CDH18: variants seen among roughly 807,000 people sequenced by gnomAD.
CDH18 encodes cadherin-18.
Under a neutral mutation model 67.9 loss-of-function variants are expected in CDH18, and 31 were observed. That is an observed-to-expected ratio of 0.46 (90% CI 0.34 to 0.62). The LOEUF is 0.62. Ranked by LOEUF, CDH18 falls within the 20% of genes least tolerant of loss-of-function variation. CDH18 has a pLI of 0.01. For missense variants in CDH18, 890 were observed against 975.5 expected, an observed-to-expected ratio of 0.91 and a Z score of 1.17; for synonymous variants, 362 against 347.2, an observed-to-expected ratio of 1.04 and a Z score of -0.48.
intron 1 of CDH18, among the ~76,000 whole-genome samples, chr5:20,322,292 A>C (rs1315567575): frequency 6.6e-6 from 1 of 152,166 alleles, no homozygotes; most frequent in Non-Finnish European, 1.5e-5. Flanking sequence ...GATATTAATT[A>C]TTATTATAAC....
chr5:20,507,496 A>G (rs1754729845), intron 1 of CDH18, among the ~76,000 whole-genome samples: 1 of 152,210 alleles, frequency 6.6e-6, no homozygotes, highest in Admixed American at 6.6e-5. Context: ...TTATGGATAT[A>G]GATTTTCATG....
At position 19,973,004 on chromosome 5, in the gene CDH18, T is replaced by G. The variant is rs370404880; in HGVS notation, c.-257+8056A>C. ...ATAATATTAATTAATAATATTACAG[T>G]TAATCGTTAATAAAAGAAATGGCAC... is the stretch of plus-strand genomic sequence containing the variant. On this transcript the variant is annotated intron_variant, in intron 2 of 12. Transcript: ENST00000382275. 2.6e-4 allele frequency among the ~76,000 whole-genome samples: 39 copies of G among 152,024 alleles called. No individual in the cohort carries two copies. The East Asian group carries it at 7.3e-3, about 29-fold the overall frequency.
At chr5:20,003,482 C>T (rs996642613) in intron 2 of CDH18, among the ~76,000 whole-genome samples, 1 of 152,012 alleles carries the variant, frequency 6.6e-6, no homozygotes, top group Non-Finnish European at 1.5e-5. Flanking sequence ...TACTATATTT[C>T]CCATCTTTTT....
intron 5 of CDH18, among the ~76,000 whole-genome samples, chr5:19,711,760 G>A (rs1236084057): frequency 1.3e-5 from 2 of 151,194 alleles, no homozygotes; most frequent in African/African-American, 4.9e-5. Context: ...ACAGCATGGA[G>A]AATTCTCAAA....
intron 5 of CDH18, among the ~76,000 whole-genome samples, chr5:19,700,880 T>C (rs76022419): frequency 0.039 from 5,964 of 151,422 alleles, 385 homozygotes; most frequent in African/African-American, 0.14. Flanking sequence ...AGAAAAAAAT[T>C]AGGAAATAGA....
intron 11 of CDH18, among the ~76,000 whole-genome samples, chr5:19,496,084 C>T (rs1405624069): frequency 6.6e-6 from 1 of 151,936 alleles, no homozygotes; most frequent in Non-Finnish European, 1.5e-5. Flanking sequence ...GCTGAAAAGC[C>T]CTGGAAGACA....
At chr5:19,728,989 C>A (rs1421154414) in intron 4 of CDH18, among the ~76,000 whole-genome samples, 3 of 152,082 alleles carry the variant, frequency 2.0e-5, no homozygotes, top group Admixed American at 1.3e-4. Context: ...TGAGTATTAA[C>A]TCAAGTCACT....
At chr5:20,416,204 A>G (rs1247711039) in intron 1 of CDH18, among the ~76,000 whole-genome samples, 1 of 152,156 alleles carries the variant, frequency 6.6e-6, no homozygotes, top group African/African-American at 2.4e-5. Flanking sequence ...AGGAAAAATG[A>G]ACTTAATCTT....
chr5:19,549,660 A>G (rs1736997531), intron 8 of CDH18, among the ~76,000 whole-genome samples: 1 of 141,202 alleles, frequency 7.1e-6, no homozygotes, highest in Non-Finnish European at 1.6e-5. Flanking sequence ...AGAGGGAAGG[A>G]AGGGAGGGAG....
chr5:20,081,391 G>C (rs1744457499), intron 2 of CDH18, among the ~76,000 whole-genome samples: 1 of 152,178 alleles, frequency 6.6e-6, no homozygotes, highest in Non-Finnish European at 1.5e-5. Flanking sequence ...AGCCATGTTA[G>C]AGAGAGGTTT....
intron 5 of CDH18, among the ~76,000 whole-genome samples, chr5:19,696,485 G>A (rs1311137001): frequency 6.6e-6 from 1 of 151,542 alleles, no homozygotes; most frequent in Non-Finnish European, 1.5e-5. Flanking sequence ...GCAGTGAGCC[G>A]AGATTGATCC....
chr5:20,339,393 C>T (rs1740060582), intron 1 of CDH18, among the ~76,000 whole-genome samples: 1 of 152,076 alleles, frequency 6.6e-6, no homozygotes, highest in Non-Finnish European at 1.5e-5. Flanking sequence ...ATGTATAAGC[C>T]TCCTTTGCTT....
intron 2 of CDH18, among the ~76,000 whole-genome samples, chr5:20,049,292 A>G (rs575160465): frequency 2.6e-5 from 4 of 151,744 alleles, no homozygotes; most frequent in African/African-American, 9.6e-5. Flanking sequence ...AAAACAAGAC[A>G]AAACAACAGC....
chr5:20,541,543 C>T (rs1225212810), intron 1 of CDH18, among the ~76,000 whole-genome samples: 1 of 152,006 alleles, frequency 6.6e-6, no homozygotes, highest in Non-Finnish European at 1.5e-5. Flanking sequence ...TAAAAATAAA[C>T]TTAGAATGAA....
intron 2 of CDH18, among the ~76,000 whole-genome samples, chr5:20,003,920 A>C (rs964139309): frequency 2.0e-5 from 3 of 152,140 alleles, no homozygotes; most frequent in Non-Finnish European, 4.4e-5. Flanking sequence ...ACAAACAAAA[A>C]CAAACAAACA....
chr5:20,233,585 T>G (rs1742244522), intron 2 of CDH18, among the ~76,000 whole-genome samples: 1 of 152,092 alleles, frequency 6.6e-6, no homozygotes, highest in Non-Finnish European at 1.5e-5. Context: ...ATTTTGTTTT[T>G]CAGTACACAC....
chr5:19,619,412 T>C (rs1293897538), intron 5 of CDH18, among the ~76,000 whole-genome samples: 1 of 152,070 alleles, frequency 6.6e-6, no homozygotes, highest in African/African-American at 2.4e-5. Flanking sequence ...TGGAAGCATA[T>C]GAATGAAGAG....
At chr5:20,369,030 T>C (rs1742753741) in intron 1 of CDH18, among the ~76,000 whole-genome samples, 2 of 152,192 alleles carry the variant, frequency 1.3e-5, no homozygotes, top group Non-Finnish European at 2.9e-5. Flanking sequence ...CAGCTTTCAC[T>C]TAGAGTTGGA....
chr5:19,528,582 A>G (rs2126960662), intron 9 of CDH18, among the ~76,000 whole-genome samples: 1 of 152,004 alleles, frequency 6.6e-6, no homozygotes, highest in Admixed American at 6.5e-5. Flanking sequence ...ATGTAGGAGT[A>G]TGGACCTAAC....
Sources: gnomAD v4.1 joint callset for allele counts (sites outside exome capture counted in the v4.1 genomes callset) on GRCh38, gnomAD v4.1.1 for gene constraint, MANE v1.5 for transcripts, NCBI Gene and HGNC (gene_info 2026-07-23, HGNC 2026-07-21) for gene names.